ST6GALNAC5: variants seen among roughly 807,000 people sequenced by gnomAD.
ST6GALNAC5 encodes alpha-N-acetylgalactosaminide alpha-2,6-sialyltransferase 5.
A neutral mutation model predicts 33.6 loss-of-function variants in ST6GALNAC5; 27 were observed. That is an observed-to-expected ratio of 0.80 (90% CI 0.59 to 1.11). The LOEUF (loss-of-function observed/expected upper bound fraction) is 1.11. Among genes scored for constraint, ST6GALNAC5 ranks in the 50% least tolerant of loss-of-function variants. The pLI, the probability that ST6GALNAC5 is intolerant of heterozygous loss-of-function variation, is 0.00. For missense variants in ST6GALNAC5, 428 were observed against 454.0 expected, an observed-to-expected ratio of 0.94 and a Z score of 0.52; for synonymous variants, 194 against 171.2, an observed-to-expected ratio of 1.13 and a Z score of -1.04.
chr1:77,015,195 T>C (rs1422015541), intron 2 of ST6GALNAC5, among the ~76,000 whole-genome samples: 1 of 151,920 alleles, frequency 6.6e-6, no homozygotes, highest in East Asian at 1.9e-4. Flanking sequence ...GGTAAATCAG[T>C]CCAACCTGAG....
intron 2 of ST6GALNAC5, among the ~76,000 whole-genome samples, chr1:76,953,202 A>T (rs1279470175): frequency 6.6e-6 from 1 of 152,122 alleles, no homozygotes; most frequent in Non-Finnish European, 1.5e-5. Context: ...TTTCTGGGAT[A>T]AGTGCCTAAA....
At chr1:77,002,026 C>T (rs1300996728) in intron 2 of ST6GALNAC5, among the ~76,000 whole-genome samples, 2 of 152,086 alleles carry the variant, frequency 1.3e-5, no homozygotes, top group African/African-American at 2.4e-5. Context: ...GGAAGGATTC[C>T]CTCTTTTTCT....
chr1:77,022,526 T>A (rs1651092365), intron 2 of ST6GALNAC5, among the ~76,000 whole-genome samples: 1 of 152,186 alleles, frequency 6.6e-6, no homozygotes, highest in African/African-American at 2.4e-5. Context: ...TAAAGCAACC[T>A]AGGCTAGATT....
At chr1:76,993,995 A>C (rs917795659) in intron 2 of ST6GALNAC5, among the ~76,000 whole-genome samples, 1 of 152,226 alleles carries the variant, frequency 6.6e-6, no homozygotes, top group Admixed American at 6.5e-5. Flanking sequence ...GTGATTAAAC[A>C]AATTTGTTAT....
intron 2 of ST6GALNAC5, among the ~76,000 whole-genome samples, chr1:77,017,693 T>C (rs1428270614): frequency 6.6e-6 from 1 of 152,226 alleles, no homozygotes; most frequent in Non-Finnish European, 1.5e-5. Context: ...GAAGGAAAAG[T>C]AATGGTTTGC....
chr1:77,032,888 C>T lies in ST6GALNAC5; in HGVS notation c.262-11316C>T, dbSNP rs188279266. Among the ~76,000 whole-genome samples, 3 of 152,262 alleles carry T rather than the reference C, an allele frequency of 2.0e-5. No homozygotes were observed. In the East Asian group the frequency reaches 5.8e-4, roughly 29 times the overall value. ...CTCAGTTATCTTCCAGATTTCGAGC[C>T]ATGCTATGTTTATCTTCAGGCCATT... On this transcript the variant is annotated intron_variant, in intron 2 of 4. Transcript: ENST00000477717.
chr1:77,007,707 G>A (rs1211452023), intron 2 of ST6GALNAC5, among the ~76,000 whole-genome samples: 1 of 152,266 alleles, frequency 6.6e-6, no homozygotes, highest in Non-Finnish European at 1.5e-5. Flanking sequence ...AAACCTGTGG[G>A]AGGATATTAG....
At chr1:76,956,971 A>T (rs1187330480) in intron 2 of ST6GALNAC5, among the ~76,000 whole-genome samples, 1 of 152,122 alleles carries the variant, frequency 6.6e-6, no homozygotes, top group Non-Finnish European at 1.5e-5. Flanking sequence ...TTCTATGCAT[A>T]CACTTTTCTA....
chr1:77,025,035 G>A (rs889236234), intron 2 of ST6GALNAC5, among the ~76,000 whole-genome samples: 1 of 152,114 alleles, frequency 6.6e-6, no homozygotes, highest in East Asian at 1.9e-4. Flanking sequence ...CCTGGGTATA[G>A]GCATAAACAT....
chr1:76,988,066 A>G (rs1047269207), intron 2 of ST6GALNAC5, among the ~76,000 whole-genome samples: 6 of 152,086 alleles, frequency 3.9e-5, no homozygotes, highest in Non-Finnish European at 7.4e-5. Flanking sequence ...TTTTTCATTA[A>G]AAAAATTTTT....
intron 2 of ST6GALNAC5, among the ~76,000 whole-genome samples, chr1:76,996,080 T>A (rs1250047453): frequency 1.3e-5 from 2 of 152,206 alleles, no homozygotes; most frequent in Non-Finnish European, 2.9e-5. Flanking sequence ...GTGACAAGCA[T>A]GATTGTCCCC....
chr1:77,000,809 C>T (rs1036758520), intron 2 of ST6GALNAC5, among the ~76,000 whole-genome samples: 6 of 151,940 alleles, frequency 3.9e-5, no homozygotes, highest in East Asian at 1.9e-4. Context: ...TGTAGATATG[C>T]GGCGTTATTT....
chr1:76,885,036 T>A (rs1463963007), intron 2 of ST6GALNAC5, among the ~76,000 whole-genome samples: 6 of 152,164 alleles, frequency 3.9e-5, no homozygotes, highest in Admixed American at 6.6e-5. Context: ...AGCATGCTGA[T>A]GGTATCTCAA....
chr1:76,930,403 G>A (rs751284747), intron 2 of ST6GALNAC5, among the ~76,000 whole-genome samples: 25 of 152,120 alleles, frequency 1.6e-4, no homozygotes, highest in Non-Finnish European at 2.9e-4. Context: ...CAGTTTTTAA[G>A]TAGCAGTTTC....
rs1653364485 is a variant in ST6GALNAC5, at chr1:76,867,481, G to C, written c.-195G>C. The C allele has an allele frequency of 1.3e-6, 1 of 799,904 alleles. No homozygotes were observed. The highest frequency in any genetic ancestry group is 2.1e-6 in the Non-Finnish European group (1 of 477,796). 49.6% of individuals were successfully genotyped at this position (799,904 alleles called of 1,614,324 possible). On this transcript the variant is annotated 5_prime_UTR_variant, in exon 1 of 5. Transcript: ENST00000477717. ...TGAGAGACTACGAGGGTCCGGTTCA[G>C]TTTTAATTCTGTCTCTAATCTCTGC...
intron 2 of ST6GALNAC5, among the ~76,000 whole-genome samples, chr1:77,016,683 T>G (rs899391230): frequency 6.6e-6 from 1 of 152,134 alleles, no homozygotes; most frequent in Non-Finnish European, 1.5e-5. Context: ...TGTATGTCAC[T>G]CAAAAAACTC....
intron 2 of ST6GALNAC5, among the ~76,000 whole-genome samples, chr1:77,001,767 G>C (rs1205108601): frequency 6.7e-6 from 1 of 148,574 alleles, no homozygotes; most frequent in East Asian, 2.0e-4. Context: ...TTTGTCTTTG[G>C]CTCTGTTTAT....
intron 2 of ST6GALNAC5, among the ~76,000 whole-genome samples, chr1:76,948,338 C>G (rs1349563588): frequency 6.6e-6 from 1 of 152,146 alleles, no homozygotes; most frequent in Non-Finnish European, 1.5e-5. Flanking sequence ...TTCTAGCTCC[C>G]TTAAGCTCAT....
At chr1:77,003,587 C>A (rs1332663507) in intron 2 of ST6GALNAC5, among the ~76,000 whole-genome samples, 1 of 151,554 alleles carries the variant, frequency 6.6e-6, no homozygotes, top group Non-Finnish European at 1.5e-5. Flanking sequence ...TTCCTAGTCT[C>A]GATGGTCTTT....
Sources: gnomAD v4.1 joint callset for allele counts (sites outside exome capture counted in the v4.1 genomes callset) on GRCh38, gnomAD v4.1.1 for gene constraint, MANE v1.5 for transcripts, NCBI Gene and HGNC (gene_info 2026-07-23, HGNC 2026-07-21) for gene names.